Variants in MYO7B observed in about 807,000 individuals in gnomAD.
The protein encoded by MYO7B is unconventional myosin-VIIb.
MYO7B carries 212 observed loss-of-function variants against 259.7 expected under a neutral mutation model. The ratio of observed to expected loss-of-function variants is 0.82; its 90% confidence interval spans 0.73 to 0.91. The LOEUF is 0.91. Ranked by LOEUF, MYO7B falls within the 40% of genes least tolerant of loss-of-function variation. MYO7B has a pLI of 0.00. For synonymous variants in MYO7B, 1,197 were observed against 1,166.4 expected (o/e 1.03, Z -0.54); for missense variants, 2,732 against 2,813.5 (o/e 0.97, Z 0.66).
rs1305596206 is a variant in MYO7B at position 127,584,458 on chromosome 2, G to A, written c.1554+126G>A. 9.5e-7 allele frequency: 1 copy of A among 1,056,032 alleles called. No individual in the cohort carries two copies. The highest frequency in any genetic ancestry group is 1.4e-6 in the Non-Finnish European group (1 of 732,848). The allele number at this position is 1,056,032 out of a possible 1,614,324, so 65.4% of individuals were successfully genotyped here. On this transcript the variant is annotated intron_variant, in intron 13 of 47. Coordinates refer to ENST00000409816, the MANE Select transcript of MYO7B (RefSeq NM_001393586.1). The surrounding 1 kb of genome is among the most constrained non-coding windows in gnomAD (Gnocchi z 5.8). ...TCACTAAAACCTCTGCCAGGAATAA[G>A]CAGAAGAGCCTCAGTCTAACCAGAC...
At position 127,634,680 on chromosome 2, in the gene MYO7B, G is replaced by A. The variant is rs750715742; in HGVS notation, c.5710G>A (p.Glu1904Lys). The A allele has an allele frequency of 1.3e-5, 21 of 1,609,584 alleles. No homozygotes were observed. The highest frequency in any genetic ancestry group is 1.8e-5 in the Non-Finnish European group (21 of 1,178,616). The change falls in exon 42 of 48, where the codon GAA becomes AAA. Residue 1904 changes from glutamate (E) to lysine (K), a missense_variant. Coordinates refer to ENST00000409816, the MANE Select transcript of MYO7B (RefSeq NM_001393586.1). Reference sequence around the variant, plus strand: ...GGTGAAGAAGAACAAGCCCCAGAAAGAAGGTGAGGAGGCCTCTGTGGAGCT... The same window carrying A: ...GGTGAAGAAGAACAAGCCCCAGAAAAAAGGTGAGGAGGCCTCTGTGGAGCT... ...DWVKKNKPQK[E>K]GAPVTLPYQV...
chr2:127,581,810 C>A, intron 10 of MYO7B, 81 bp from the exon 11 acceptor site: 1 of 1,588,026 alleles, frequency 6.3e-7, no homozygotes, highest in Non-Finnish European at 8.6e-7. Flanking sequence ...CGAGAGGGAA[C>A]AAGACTTGGC....
At position 127,578,297 on chromosome 2, in the gene MYO7B, T is replaced by G. The variant is rs1173626871; in HGVS notation, c.1003+11T>G. The G allele has an allele frequency of 6.2e-7, 1 of 1,612,984 alleles. No homozygotes were observed. Among genetic ancestry groups the G allele is most frequent in the South Asian group, 1.1e-5 (1 of 90,992 alleles). ...ATGTGGGGTTCATGGGTAATGCCGG[T>G]TCTGCCCCAACTGCACCCTTGGGGA... On this transcript the variant is annotated intron_variant, in intron 9 of 47. Transcript: ENST00000409816.
At chr2:127,635,996 T>G in intron 44 of MYO7B, 89 bp downstream of exon 44, 1 of 1,458,470 alleles carries the variant, frequency 6.9e-7, no homozygotes, top group Non-Finnish European at 9.2e-7. Context: ...GGCTCCAAGA[T>G]CACATGGGTG....
intron 30 of MYO7B, among the ~76,000 whole-genome samples, 154 bp from the exon 31 acceptor site, chr2:127,625,214 T>TCAGGG (rs1315448466): frequency 6.6e-6 from 1 of 152,092 alleles, no homozygotes; most frequent in Non-Finnish European, 1.5e-5. Context: ...GGTGGCCCAG[T>TCAGGG]CAGGGCATGC....
intron 14 of MYO7B, among the ~76,000 whole-genome samples, chr2:127,587,568 C>CTTTTTTT (rs61624532): frequency 3.3e-5 from 4 of 122,426 alleles, no homozygotes; most frequent in African/African-American, 9.0e-5. Flanking sequence ...TTCTTTCTTT[C>CTTTTTTT]TTTTTTTTTT....
chr2:127,565,322 G>T lies in MYO7B; in HGVS notation c.222G>T (p.Gly74=). The T allele has an allele frequency of 6.2e-7, 1 of 1,614,032 alleles. No homozygotes were observed. The highest frequency in any genetic ancestry group is 8.5e-7 in the Non-Finnish European group (1 of 1,179,890). The change falls in exon 4 of 48, where the codon GGG becomes GGT. Residue 74 remains glycine (G), a synonymous_variant. Coordinates refer to ENST00000409816, the MANE Select transcript of MYO7B (RefSeq NM_001393586.1). ...GTGTGGACGACATGATCCGCCTGGG[G>T]GACCTGAACGAGGCAGGCATGGTGC... ...VQGVDDMIRL[G]DLNEAGMVHN... is the part of the protein sequence containing the mutation.
chr2:127,538,295 C>T (rs1473337853), intron 1 of MYO7B, among the ~76,000 whole-genome samples: 6 of 152,170 alleles, frequency 3.9e-5, no homozygotes, highest in East Asian at 1.9e-4. Flanking sequence ...TGCTCTAGAA[C>T]GTTCCATGAT....
At chr2:127,536,532 C>T (rs1692787097) in intron 1 of MYO7B, among the ~76,000 whole-genome samples, 1 of 151,952 alleles carries the variant, frequency 6.6e-6, no homozygotes, top group African/African-American at 2.4e-5. Flanking sequence ...CATGGGCTGT[C>T]CCCCTTGAGC....
In MYO7B at chr2:127,582,387, T is replaced by C. The variant is rs1396357638; in HGVS notation, c.1284T>C (p.Asn428=). 2 of 1,613,478 alleles carry C rather than the reference T, an allele frequency of 1.2e-6. No individual in the cohort carries two copies. Among genetic ancestry groups the C allele is most frequent in the East Asian group, 4.5e-5 (2 of 44,870 alleles). ...CACCACCAGCCCAGGACCCCAAAAA[T>C]GTGCGGAGGGCCATCGGCCTCCTGG... is the stretch of plus-strand genomic sequence containing the variant. The part of the protein sequence containing the change: ...IFTPPAQDPK[N]VRRAIGLLDI... Residue 428 remains asparagine (N), a synonymous_variant, in exon 12 of 48, where the codon AAT becomes AAC. Coordinates refer to ENST00000409816, the MANE Select transcript of MYO7B (RefSeq NM_001393586.1).
intron 27 of MYO7B, 111 bp from the exon 28 acceptor site, chr2:127,621,871 C>A: frequency 6.7e-6 from 10 of 1,486,344 alleles, no homozygotes; most frequent in Non-Finnish European, 9.2e-6. Context: ...GGGTGCCCCT[C>A]AATGCACATT....
chr2:127,634,920 C>T, intron 42 of MYO7B, 200 bp from the exon 43 acceptor site: 2 of 639,878 alleles, frequency 3.1e-6, no homozygotes, highest in Non-Finnish European at 5.5e-6. Context: ...CCCTCATGGG[C>T]TGGGAGTGCG....
Position 127,607,484 on chromosome 2 carries a change from G to C in MYO7B, c.2643+60G>C, listed in dbSNP as rs1680201973. The C allele has an allele frequency of 6.9e-7, 1 of 1,451,774 alleles. No individual in the cohort carries two copies. Among genetic ancestry groups the C allele is most frequent in the Admixed American group, 2.0e-5 (1 of 49,444 alleles). The allele number at this position is 1,451,774 out of a possible 1,614,324, so 89.9% of individuals were successfully genotyped here. ...CTGGCTGGGGCCCCAGTGGGTGAGG[G>C]CAAGAAGGAGTGAGCGGCTGTGTAG... On this transcript the variant is annotated intron_variant, in intron 21 of 47. Coordinates refer to ENST00000409816, the MANE Select transcript of MYO7B (RefSeq NM_001393586.1). This position sits in a 1 kb window ranked among gnomAD's most constrained non-coding sequence, Gnocchi z 4.4.
chr2:127,584,666 C>T lies in MYO7B; in HGVS notation c.1555-112C>T, dbSNP rs1462789375. 2.3e-6 allele frequency: 3 copies of T among 1,326,156 alleles called. No homozygotes were observed. Among genetic ancestry groups the T allele is most frequent in the African/African-American group, 1.5e-5 (1 of 68,548 alleles). The allele number at this position is 1,326,156 out of a possible 1,614,324, so 82.1% of individuals were successfully genotyped here. On this transcript the variant is annotated intron_variant, in intron 13 of 47. Coordinates refer to ENST00000409816, the MANE Select transcript of MYO7B (RefSeq NM_001393586.1). The surrounding 1 kb of genome is among the most constrained non-coding windows in gnomAD (Gnocchi z 5.8). ...TTAGTTTCCTGTCTGTACAAAGGCC[C>T]TCAATCATTCTGAGCCCAGATCTCT... is the stretch of plus-strand genomic sequence containing the variant.
chr2:127,546,762 GTCCATCCATCCATCCA>G lies in MYO7B; in HGVS notation c.-24+10958_-24+10973del, dbSNP rs3034060. ...ATGCCTCACCTGCTTTCCTGGGTAG[GTCCATCCATCCATCCA>G]TCCATCCATCCATCCATCCATCCAT... On this transcript the variant is annotated intron_variant, in intron 1 of 47. Transcript: ENST00000409816. The surrounding 1 kb of genome is among the most constrained non-coding windows in gnomAD (Gnocchi z 4.2). Among the ~76,000 whole-genome samples the G allele has an allele frequency of 1.0e-3, 149 of 149,432 alleles. No individual in the cohort carries two copies. Among genetic ancestry groups the G allele is most frequent in the Admixed American group, 2.6e-3 (39 of 15,044 alleles).
chr2:127,622,189 T>C, intron 28 of MYO7B, 88 bp downstream of exon 28: 1 of 1,452,394 alleles, frequency 6.9e-7, no homozygotes, highest in Non-Finnish European at 9.1e-7. Flanking sequence ...TGCCTTCTCC[T>C]AGGACAGAAC....
chr2:127,584,650 T>C lies in MYO7B; in HGVS notation c.1555-128T>C, dbSNP rs77901993. The C allele has an allele frequency of 6.1e-3, 7,068 of 1,158,548 alleles. 348 individuals carry two copies. In the African/African-American group the frequency reaches 0.097, roughly 16 times the overall value. The allele number at this position is 1,158,548 out of a possible 1,614,324, so 71.8% of individuals were successfully genotyped here. On this transcript the variant is annotated intron_variant, in intron 13 of 47. Coordinates refer to ENST00000409816, the MANE Select transcript of MYO7B (RefSeq NM_001393586.1). This position sits in a 1 kb window ranked among gnomAD's most constrained non-coding sequence, Gnocchi z 5.8. ...CACTGACCCCTGGGCATTAGTTTCC[T>C]GTCTGTACAAAGGCCCTCAATCATT...
Position 127,598,025 on chromosome 2 carries a change from C to G in MYO7B, c.2339+1469C>G, listed in dbSNP as rs144790730. On this transcript the variant is annotated intron_variant, in intron 19 of 47. Transcript: ENST00000409816. ...TAACCATTCACCTGTAGAAGGACAT[C>G]TGGGCTGTTTCCAGTTTTTGGCTTT... is the stretch of plus-strand genomic sequence containing the variant. 6.6e-5 allele frequency among the ~76,000 whole-genome samples: 10 copies of G among 152,274 alleles called. 1 individual carries two copies. The highest frequency in any genetic ancestry group is 1.2e-4 in the African/African-American group (5 of 41,546).
chr2:127,609,879 A>G lies in MYO7B; in HGVS notation c.3055A>G (p.Arg1019Gly), dbSNP rs1247826254. The G allele has an allele frequency of 1.9e-6, 3 of 1,612,746 alleles. No homozygotes were observed. The highest frequency in any genetic ancestry group is 2.5e-6 in the Non-Finnish European group (3 of 1,179,332). The change falls in exon 24 of 48, where the codon AGG (arginine) becomes GGG (glycine). Residue 1019 changes from arginine (R) to glycine (G), a missense_variant. Physicochemically the swap from Arg to Gly is moderately radical, Grantham distance 125 (BLOSUM62 -2). Around this residue, in one of 3 missense-constraint regions of MYO7B, gnomAD observed 1,906 missense variants for 2,026.4 expected, o/e 0.94. Coordinates refer to ENST00000409816, the MANE Select transcript of MYO7B (RefSeq NM_001393586.1). This position sits in a 1 kb window ranked among gnomAD's most constrained non-coding sequence, Gnocchi z 6.9. Reference protein sequence around the residue: ...AALVIWNVILRFMGDLPEPVL... With the variant: ...AALVIWNVILGFMGDLPEPVL... Reference sequence around the variant, plus strand: ...CCTGGTCATATGGAACGTCATCCTGAGGTTCATGGGTGATCTCCCAGAGCC... The same window carrying G: ...CCTGGTCATATGGAACGTCATCCTGGGGTTCATGGGTGATCTCCCAGAGCC...
Sources: allele counts gnomAD v4.1 joint callset (sites outside exome capture counted in the v4.1 genomes callset), GRCh38; gene constraint gnomAD v4.1.1; regional missense constraint gnomAD v4.1.1; non-coding constraint Gnocchi (gnomAD v3.1); transcripts MANE v1.5; gene names NCBI Gene and HGNC (gene_info 2026-07-23, HGNC 2026-07-21).